The following PUDP variants were observed in gnomAD, a reference collection of about 807,000 sequenced individuals.
The protein encoded by PUDP is pseudouridine-5'-phosphatase.
Under a neutral mutation model 9.4 loss-of-function variants are expected in PUDP, and 8 were observed. That is an observed-to-expected ratio of 0.85 (90% CI 0.50 to 1.53). The LOEUF (loss-of-function observed/expected upper bound fraction) is 1.53. Among genes scored for constraint, PUDP ranks in the 40% most tolerant of loss-of-function variants. PUDP has a pLI of 0.00. For missense variants in PUDP, 188 were observed against 189.7 expected, an observed-to-expected ratio of 0.99 and a Z score of 0.05; for synonymous variants, 99 against 80.7, an observed-to-expected ratio of 1.23 and a Z score of -1.22.
upstream of PUDP, among the ~76,000 whole-genome samples, chrX:6,723,622 G>C (rs968474590): frequency 2.8e-5 from 3 of 108,523 alleles, no homozygotes; most frequent in Non-Finnish European, 5.7e-5. Flanking sequence ...AAGATCACTT[G>C]AGCCCAGGAG....
At chrX:6,763,314 G>A (rs987914679) in intron 3 of PUDP, among the ~76,000 whole-genome samples, 7 of 111,599 alleles carry the variant, frequency 6.3e-5, no homozygotes, top group Non-Finnish European at 9.4e-5. Context: ...ACTTGAACCC[G>A]GGAGGCGGAG....
chrX:6,769,755 A>C (rs1300240455), intron 3 of PUDP, among the ~76,000 whole-genome samples: 3 of 112,324 alleles, frequency 2.7e-5, no homozygotes, highest in African/African-American at 9.7e-5. Context: ...AAGCTCATCA[A>C]GTCTGTTGGA....
chrX:6,723,432 CAAAAAAAAAAA>C (rs549361509), upstream of PUDP, among the ~76,000 whole-genome samples: 2 of 17,329 alleles, frequency 1.2e-4, no homozygotes, highest in East Asian at 2.4e-3. Flanking sequence ...GAGGCTCTGT[CAAAAAAAAAAA>C]AAAAAAAAAA....
intron 3 of PUDP, chrX:7,057,849 A>C: frequency 1.9e-6 from 2 of 1,058,626 alleles, no homozygotes; most frequent in Non-Finnish European, 2.5e-6. Flanking sequence ...GCAGGAAGGG[A>C]ACACAGTAGG....
At chrX:6,811,853 T>C (rs926065431) in intron 3 of PUDP, among the ~76,000 whole-genome samples, 8 of 111,714 alleles carry the variant, frequency 7.2e-5, no homozygotes, top group Non-Finnish European at 1.3e-4. Flanking sequence ...AGAGAGTCCA[T>C]CTCCATTTTA....
intron 1 of PUDP, among the ~76,000 whole-genome samples, chrX:7,021,766 G>A (rs1929637696): frequency 8.9e-6 from 1 of 111,977 alleles, no homozygotes; most frequent in Non-Finnish European, 1.9e-5. Flanking sequence ...GAGGACATTC[G>A]CTGGAATGTT....
At chrX:7,034,114 T>G (rs1050223191) in intron 1 of PUDP, among the ~76,000 whole-genome samples, 2 of 111,869 alleles carry the variant, frequency 1.8e-5, no homozygotes, top group African/African-American at 6.5e-5. Context: ...GGACATATTA[T>G]AGTTTGCTGG....
chrX:7,080,448 A>G (rs1388049180), intron 2 of PUDP, among the ~76,000 whole-genome samples: 1 of 111,761 alleles, frequency 8.9e-6, no homozygotes, highest in East Asian at 2.8e-4. Context: ...ACACCTCTCA[A>G]CTCATTTTAC....
At chrX:6,751,454 C>T (rs1435664161) in intron 3 of PUDP, among the ~76,000 whole-genome samples, 2 of 111,580 alleles carry the variant, frequency 1.8e-5, no homozygotes, top group Non-Finnish European at 3.8e-5. Flanking sequence ...ATTGCCTCTT[C>T]CATTTCTATG....
intron 3 of PUDP, among the ~76,000 whole-genome samples, chrX:6,943,696 A>G (rs1246455856): frequency 8.9e-6 from 1 of 111,812 alleles, no homozygotes; most frequent in Non-Finnish European, 1.9e-5. Flanking sequence ...TGTACTCACA[A>G]TATCTAATAC....
intron 1 of PUDP, among the ~76,000 whole-genome samples, chrX:7,124,905 G>A (rs868709615): frequency 4.1e-4 from 45 of 109,375 alleles, no homozygotes; most frequent in Middle Eastern, 9.3e-3. Flanking sequence ...CGGAGATGGC[G>A]CCACTGCACT....
At chrX:6,999,380 A>T (rs1237636188) in intron 1 of PUDP, among the ~76,000 whole-genome samples, 1 of 112,181 alleles carries the variant, frequency 8.9e-6, no homozygotes, top group Non-Finnish European at 1.9e-5. Context: ...ACATGGTGGA[A>T]ATTTAAAAAT....
chrX:7,035,701 A>G (rs927643063), intron 1 of PUDP, among the ~76,000 whole-genome samples: 11 of 112,024 alleles, frequency 9.8e-5, no homozygotes, highest in Admixed American at 1.9e-4. Flanking sequence ...GTATGTTTGT[A>G]CATAGCTATT....
chrX:7,118,626 T>C (rs1413436434), intron 1 of PUDP, among the ~76,000 whole-genome samples: 1 of 112,106 alleles, frequency 8.9e-6, no homozygotes, highest in East Asian at 2.8e-4. Flanking sequence ...GAACCTAAAA[T>C]TGACTTTCCC....
At chrX:6,982,945 C>A (rs777057199) in intron 1 of PUDP, among the ~76,000 whole-genome samples, 23 of 111,682 alleles carry the variant, frequency 2.1e-4, no homozygotes, top group Non-Finnish European at 3.4e-4. Flanking sequence ...GTCCATTGCC[C>A]GGCGAAAGGA....
chrX:7,096,423 A>G (rs1283344480), intron 2 of PUDP, among the ~76,000 whole-genome samples: 1 of 111,191 alleles, frequency 9.0e-6, no homozygotes. Flanking sequence ...AAATAGTTAA[A>G]CACTGAGTAA....
In PUDP at chrX:6,852,924, G is replaced by C. The variant is rs781037776; in HGVS notation, c.*247+124209C>G. ...GCTGCAGAGAGGGGATCTGGAAAAG[G>C]GTTACCACTTTTACAGTTGAATGCA... On this transcript the variant is annotated intron_variant and NMD_transcript_variant, in intron 3 of 3. Transcript: ENST00000655425. Among the ~76,000 whole-genome samples, 3 of 111,212 alleles carry C rather than the reference G, an allele frequency of 2.7e-5. No homozygotes were observed. In the South Asian group the frequency reaches 1.2e-3, roughly 43 times the overall value.
intron 3 of PUDP, among the ~76,000 whole-genome samples, chrX:7,052,683 C>T (rs1185182360): frequency 2.7e-5 from 3 of 112,094 alleles, no homozygotes; most frequent in Non-Finnish European, 5.6e-5. Context: ...ATCCATGTGA[C>T]AATGGAATGT....
In PUDP at chrX:6,890,935, C is replaced by CAA. The variant is rs764486249; in HGVS notation, c.*247+86196_*247+86197dup. 6.1e-3 allele frequency among the ~76,000 whole-genome samples: 203 copies of CAA among 33,130 alleles called. 5 individuals carry two copies. The highest frequency in any genetic ancestry group is 0.012 in the African/African-American group (80 of 6,759). 28.8% of individuals were successfully genotyped at this position (33,130 alleles called of 115,157 possible). On this transcript the variant is annotated intron_variant and NMD_transcript_variant, in intron 3 of 3. Transcript: ENST00000655425. Reference sequence around the variant, plus strand: ...GGCACATGATGAGGCCTCATCTCTCCAAAAAAAAAAAAAAAAAAAAAAAAA... The same window carrying CAA: ...GGCACATGATGAGGCCTCATCTCTCCAAAAAAAAAAAAAAAAAAAAAAAAAAA...
Sources: gnomAD v4.1 joint callset for allele counts (sites outside exome capture counted in the v4.1 genomes callset) on GRCh38, gnomAD v4.1.1 for gene constraint, MANE v1.5 for transcripts, NCBI Gene and HGNC (gene_info 2026-07-23, HGNC 2026-07-21) for gene names.